The following MANEA variants were observed in gnomAD, a reference collection of about 807,000 sequenced individuals.
MANEA encodes the protein mannosidase endo-alpha.
A neutral mutation model predicts 36.8 loss-of-function variants in MANEA; 25 were observed. The observed-to-expected ratio is 0.68, with a 90% confidence interval of 0.50 to 0.95. The LOEUF (loss-of-function observed/expected upper bound fraction) is 0.95. Ranked by LOEUF, MANEA falls within the 40% of genes least tolerant of loss-of-function variation. The pLI is 0.00. For synonymous variants in MANEA, 198 were observed against 188.5 expected, an observed-to-expected ratio of 1.05 and a Z score of -0.41; for missense variants, 565 against 558.8, an observed-to-expected ratio of 1.01 and a Z score of -0.11.
At chr6:95,598,929 G>T (rs1769535802) in intron 3 of MANEA, among the ~76,000 whole-genome samples, 4 of 152,108 alleles carry the variant, frequency 2.6e-5, no homozygotes, top group African/African-American at 9.7e-5. Flanking sequence ...ATTCAGGTCT[G>T]CATTCAATCC....
chr6:95,588,402 G>A (rs1188805060), intron 2 of MANEA: 1 of 151,928 alleles, frequency 6.6e-6, no homozygotes, highest in Non-Finnish European at 1.5e-5. Flanking sequence ...CTTTTTTCAA[G>A]TATTTATAAA....
chr6:95,581,378 G>A (rs1769179215), intron 1 of MANEA, among the ~76,000 whole-genome samples: 1 of 151,896 alleles, frequency 6.6e-6, no homozygotes, highest in African/African-American at 2.4e-5. Context: ...ATCAGCTTAA[G>A]AAATTACATT....
chr6:95,598,554 GT>G (rs1486069559), intron 3 of MANEA, among the ~76,000 whole-genome samples: 4 of 152,102 alleles, frequency 2.6e-5, no homozygotes, highest in African/African-American at 9.7e-5. Flanking sequence ...CTACAGGGTT[GT>G]TTTTGTTTGT....
chr6:95,579,669 G>A (rs1312126352), intron 1 of MANEA, among the ~76,000 whole-genome samples: 1 of 152,112 alleles, frequency 6.6e-6, no homozygotes, highest in Non-Finnish European at 1.5e-5. Context: ...CATGATAAAA[G>A]CAAATAATTT....
rs945118080 is a variant in MANEA at position 95,606,113 on chromosome 6, G to A, written c.1097G>A (p.Arg366His). Residue 366 changes from arginine (R) to histidine (H), a missense_variant, in exon 5 of 5, where the codon CGT becomes CAT. Arg to His is a conservative substitution (Grantham distance 29). Transcript: ENST00000358812. ...VGPGYIDTSI[R>H]PWNTQNTRNR... ...CCAGGATACATAGATACCAGCATCC[G>A]TCCATGGAACACGCAAAACACTCGG... The A allele has an allele frequency of 1.1e-5, 18 of 1,613,886 alleles. No individual in the cohort carries two copies. Among genetic ancestry groups the A allele is most frequent in the East Asian group, 2.2e-5 (1 of 44,864 alleles).
intron 2 of MANEA, among the ~76,000 whole-genome samples, chr6:95,589,740 A>G (rs1361084549): frequency 2.0e-5 from 3 of 152,118 alleles, no homozygotes; most frequent in Non-Finnish European, 2.9e-5. Flanking sequence ...ACTTTAGTAG[A>G]CTGGTCAGAA....
Position 95,577,560 on chromosome 6 carries a change from G to C in MANEA, c.-117G>C, listed in dbSNP as rs1049067626. 3.3e-5 allele frequency: 5 copies of C among 152,350 alleles called. No individual in the cohort carries two copies. Among genetic ancestry groups the C allele is most frequent in the Admixed American group, 6.5e-5 (1 of 15,278 alleles). The allele number at this position is 152,350 out of a possible 1,614,324, so 9.4% of individuals were successfully genotyped here. ...GAGGGGCTGTCTGGGCTCGGGGCGCGGCGGCAGTCAGCTCTATGTTCGCGG... is the reference window on the plus strand; with the variant it reads ...GAGGGGCTGTCTGGGCTCGGGGCGCCGCGGCAGTCAGCTCTATGTTCGCGG... On this transcript the variant is annotated 5_prime_UTR_variant, in exon 1 of 5. Transcript: ENST00000358812.
chr6:95,589,626 T>G (rs575872389), intron 2 of MANEA, among the ~76,000 whole-genome samples: 1 of 152,288 alleles, frequency 6.6e-6, no homozygotes, highest in Non-Finnish European at 1.5e-5. Flanking sequence ...TCAAGTCTTT[T>G]AAGTAAAATA....
chr6:95,606,138 G>C lies in MANEA; in HGVS notation c.1122G>C (p.Arg374=), dbSNP rs1444891275. The change falls in exon 5 of 5, where the codon CGG becomes CGC. Residue 374 remains arginine (R), a synonymous_variant. Coordinates refer to ENST00000358812, the MANE Select transcript of MANEA (RefSeq NM_024641.4). ...GTCCATGGAACACGCAAAACACTCG[G>C]AACCGAATCAATGGGAAGTATTATG... ...SIRPWNTQNT[R]NRINGKYYEI... is the part of the protein sequence containing the mutation. The C allele has an allele frequency of 3.2e-5, 51 of 1,613,926 alleles. No homozygotes were observed. The highest frequency in any genetic ancestry group is 1.7e-4 in the Middle Eastern group (1 of 6,060).
At chr6:95,600,847 T>A (rs1248747374) in intron 3 of MANEA, among the ~76,000 whole-genome samples, 1 of 152,238 alleles carries the variant, frequency 6.6e-6, no homozygotes, top group Non-Finnish European at 1.5e-5. Flanking sequence ...AAACTTTTGT[T>A]ATAGTTCATT....
intron 1 of MANEA, among the ~76,000 whole-genome samples, chr6:95,584,988 TATA>T (rs1769254233): frequency 6.6e-6 from 1 of 152,210 alleles, no homozygotes; most frequent in Admixed American, 6.5e-5. Flanking sequence ...CTTAATTCTC[TATA>T]ATAACAGCAC....
In MANEA at chr6:95,606,279, T is replaced by A. The variant is rs756905900; in HGVS notation, c.1263T>A (p.Asn421Lys). Reference sequence around the variant, plus strand: ...AAGCTGTTCCCAAAAGAACCAGTAATACAGTGTACCTAGATTACCGTCCTC... The same window carrying A: ...AAGCTGTTCCCAAAAGAACCAGTAAAACAGTGTACCTAGATTACCGTCCTC... ...IEKAVPKRTS[N>K]TVYLDYRPHK... Residue 421 changes from asparagine (N) to lysine (K), a missense_variant, in exon 5 of 5, where the codon AAT becomes AAA. Physicochemically the swap from Asn to Lys is moderately conservative, Grantham distance 94. Transcript: ENST00000358812. 6.2e-7 allele frequency: 1 copy of A among 1,613,560 alleles called. No individual in the cohort carries two copies. The highest frequency in any genetic ancestry group is 8.5e-7 in the Non-Finnish European group (1 of 1,179,952).
intron 1 of MANEA, among the ~76,000 whole-genome samples, chr6:95,585,918 T>C (rs1047164435): frequency 2.6e-5 from 4 of 152,050 alleles, no homozygotes; most frequent in African/African-American, 9.7e-5. Context: ...ATCCTAGCAA[T>C]GTGGGAGGCT....
chr6:95,582,672 A>C (rs1769204807), intron 1 of MANEA, among the ~76,000 whole-genome samples: 1 of 152,206 alleles, frequency 6.6e-6, no homozygotes, highest in South Asian at 2.1e-4. Flanking sequence ...ATTTCTGTTT[A>C]CTTTTCCTGC....
intron 3 of MANEA, among the ~76,000 whole-genome samples, chr6:95,603,052 A>AAAAAAAAAC (rs539732085): frequency 7.2e-6 from 1 of 139,410 alleles, no homozygotes; most frequent in East Asian, 2.4e-4. Flanking sequence ...AAAAAAAAAA[A>AAAAAAAAAC]TTGCAAAGTA....
At chr6:95,596,179 T>TGAGGGGGA (rs1769478340) in intron 2 of MANEA, among the ~76,000 whole-genome samples, 1 of 151,234 alleles carries the variant, frequency 6.6e-6, no homozygotes, top group African/African-American at 2.4e-5. Flanking sequence ...TTGGCAGGGG[T>TGAGGGGGA]GAGGGGGAGA....
intron 1 of MANEA, among the ~76,000 whole-genome samples, chr6:95,585,296 ATT>A (rs1411631546): frequency 1.3e-5 from 2 of 152,124 alleles, no homozygotes; most frequent in African/African-American, 4.8e-5. Flanking sequence ...GTTCAGTAAG[ATT>A]TTCAGAGTCG....
chr6:95,583,527 G>A (rs955992345), intron 1 of MANEA, among the ~76,000 whole-genome samples: 16 of 151,864 alleles, frequency 1.1e-4, no homozygotes, highest in Non-Finnish European at 1.8e-4. Flanking sequence ...CATATATGAC[G>A]TATATATGTA....
At chr6:95,593,408 A>C (rs1269475922) in intron 2 of MANEA, among the ~76,000 whole-genome samples, 2 of 152,210 alleles carry the variant, frequency 1.3e-5, no homozygotes, top group African/African-American at 4.8e-5. Flanking sequence ...AAAGCCATAG[A>C]GTATACTTGC....
Sources: allele counts gnomAD v4.1 joint callset (sites outside exome capture counted in the v4.1 genomes callset), GRCh38; gene constraint gnomAD v4.1.1; transcripts MANE v1.5; gene names NCBI Gene and HGNC (gene_info 2026-07-23, HGNC 2026-07-21).